CPNE5: variants seen among roughly 807,000 people sequenced by gnomAD.
The protein encoded by CPNE5 is copine-5.
In CPNE5, 42 loss-of-function variants were observed where a neutral mutation model predicts 81.1. The ratio of observed to expected loss-of-function variants is 0.52; its 90% CI spans 0.40 to 0.67. The LOEUF is 0.67. CPNE5 is among the 30% of genes least tolerant of loss of function. The pLI, the probability that CPNE5 is intolerant of heterozygous loss-of-function variation, is 0.00. For synonymous variants in CPNE5, 313 were observed against 321.5 expected (o/e 0.97, Z 0.28); for missense variants, 612 against 815.5 (o/e 0.75, Z 3.04).
chr6:36,772,306 C>A (rs1328960403), intron 10 of CPNE5, among the ~76,000 whole-genome samples: 3 of 152,120 alleles, frequency 2.0e-5, no homozygotes, highest in African/African-American at 7.2e-5. Flanking sequence ...GACTTTCCAG[C>A]CTTTCCTGGG....
chr6:36,771,982 A>G (rs1767076912), intron 10 of CPNE5, among the ~76,000 whole-genome samples: 1 of 152,128 alleles, frequency 6.6e-6, no homozygotes, highest in Non-Finnish European at 1.5e-5. Context: ...GCTCTGCCTC[A>G]GAGTGGGAGG....
intron 14 of CPNE5, 126 bp from the exon 15 acceptor site, chr6:36,748,393 C>T (rs1174606374): frequency 1.8e-5 from 14 of 793,612 alleles, no homozygotes; most frequent in Non-Finnish European, 2.2e-5. Context: ...TTGGTGAAGT[C>T]ATTCATCTCT....
At chr6:36,825,701 T>G (rs1772442520) in intron 1 of CPNE5, among the ~76,000 whole-genome samples, 1 of 152,208 alleles carries the variant, frequency 6.6e-6, no homozygotes, top group South Asian at 2.1e-4. Flanking sequence ...CGAGGCGGGC[T>G]GACTTCCCTG....
At chr6:36,836,670 A>T (rs1393509010) in intron 1 of CPNE5, among the ~76,000 whole-genome samples, 1 of 152,092 alleles carries the variant, frequency 6.6e-6, no homozygotes, top group African/African-American at 2.4e-5. Flanking sequence ...TTAACTGGCG[A>T]CCATGGAGTG....
intron 3 of CPNE5, among the ~76,000 whole-genome samples, chr6:36,815,759 C>T (rs189622281): frequency 6.6e-4 from 101 of 152,356 alleles, no homozygotes; most frequent in African/African-American, 1.7e-3. Flanking sequence ...CCATCAATTT[C>T]AGCTGCTGGT....
chr6:36,768,225 CTTTTTT>C (rs10586762), intron 10 of CPNE5, among the ~76,000 whole-genome samples: 4 of 60,496 alleles, frequency 6.6e-5, no homozygotes, highest in African/African-American at 1.3e-4. Context: ...ATTCACAGTT[CTTTTTT>C]TTTTTTTTTT....
intron 10 of CPNE5, among the ~76,000 whole-genome samples, chr6:36,774,740 T>A (rs1767346683): frequency 8.4e-6 from 1 of 119,084 alleles, no homozygotes; most frequent in Non-Finnish European, 1.9e-5. Context: ...AGAGGATCTG[T>A]GAGGCTGTGA....
chr6:36,824,392 T>G (rs930291368), intron 1 of CPNE5, among the ~76,000 whole-genome samples: 1 of 152,000 alleles, frequency 6.6e-6, no homozygotes, highest in Non-Finnish European at 1.5e-5. Context: ...AGGTCTTCCC[T>G]TCCCTGCTTC....
chr6:36,769,100 C>T (rs755396721), intron 10 of CPNE5, among the ~76,000 whole-genome samples: 6 of 152,156 alleles, frequency 3.9e-5, no homozygotes, highest in Non-Finnish European at 8.8e-5. Context: ...CCATGAGGCC[C>T]GGGATTTTTG....
intron 8 of CPNE5, among the ~76,000 whole-genome samples, chr6:36,780,321 G>A (rs1767930786): frequency 6.6e-6 from 1 of 152,128 alleles, no homozygotes; most frequent in Admixed American, 6.5e-5. Context: ...GCCCAGTGAG[G>A]GCCAAAACGG....
In CPNE5 at chr6:36,774,850, C is replaced by A. The variant is rs558703701; in HGVS notation, c.737+111G>T. ...CCTACTGCACAACTCCAGAAGGCCT[C>A]ATTTCTACTGATGGGACTGACCACG... On this transcript the variant is annotated intron_variant, in intron 10 of 20. Coordinates refer to ENST00000244751, the MANE Select transcript of CPNE5 (RefSeq NM_020939.2). 3.6e-6 allele frequency: 3 copies of A among 825,594 alleles called. No homozygotes were observed. In the South Asian group the frequency reaches 4.9e-5, roughly 14 times the overall value. 51.1% of individuals were successfully genotyped at this position (825,594 alleles called of 1,614,324 possible). A position where few individuals can be genotyped will look rare whatever the true frequency, so the allele number is the denominator to read the frequency against.
intron 8 of CPNE5, among the ~76,000 whole-genome samples, chr6:36,789,975 G>A (rs760630179): frequency 1.6e-4 from 25 of 152,230 alleles, no homozygotes; most frequent in Non-Finnish European, 2.9e-4. Flanking sequence ...TTCTGTGTTC[G>A]TGTGTCTTAT....
chr6:36,756,112 C>CCAA, intron 13 of CPNE5, 133 bp downstream of exon 13: 11 of 523,818 alleles, frequency 2.1e-5, no homozygotes, highest in East Asian at 4.0e-5. Context: ...CTCCCCACCC[C>CCAA]ATCTCTCTTG....
At chr6:36,777,763 C>CG (rs1767654853) in intron 9 of CPNE5, among the ~76,000 whole-genome samples, 1 of 82,238 alleles carries the variant, frequency 1.2e-5, no homozygotes, top group African/African-American at 6.1e-5. Flanking sequence ...ACCCCCCCCC[C>CG]CACCACACAC....
intron 3 of CPNE5, among the ~76,000 whole-genome samples, chr6:36,816,087 A>G (rs902621143): frequency 3.3e-5 from 5 of 152,196 alleles, no homozygotes; most frequent in Non-Finnish European, 7.4e-5. Flanking sequence ...CTACCCACGA[A>G]GGTCTCTTAG....
chr6:36,772,865 T>C (rs1361071801), intron 10 of CPNE5, among the ~76,000 whole-genome samples: 2 of 152,122 alleles, frequency 1.3e-5, no homozygotes, highest in Non-Finnish European at 2.9e-5. Flanking sequence ...TCTTTTTTTT[T>C]TCTTGAGACA....
Position 36,746,859 on chromosome 6 carries a change from C to T in CPNE5, c.1019-282G>A, listed in dbSNP as rs906001808. ...CCCTGTGCCTCCAGCCCATATCCAG[C>T]ACAGCAGTGACTGAGCCTATCCGCC... is the stretch of plus-strand genomic sequence containing the variant. On this transcript the variant is annotated intron_variant, in intron 15 of 20. Coordinates refer to ENST00000244751, the MANE Select transcript of CPNE5 (RefSeq NM_020939.2). This position sits in a 1 kb window ranked among gnomAD's most constrained non-coding sequence, Gnocchi z 4.5. Among the ~76,000 whole-genome samples, 16 of 152,086 alleles carry T rather than the reference C, an allele frequency of 1.1e-4. No homozygotes were observed. The highest frequency in any genetic ancestry group is 1.6e-4 in the Non-Finnish European group (11 of 68,002).
chr6:36,797,539 T>C (rs1282955635), intron 6 of CPNE5, among the ~76,000 whole-genome samples: 4 of 152,102 alleles, frequency 2.6e-5, no homozygotes, highest in African/African-American at 4.8e-5. Flanking sequence ...TCCTGAGAAA[T>C]AGGGACAAGA....
chr6:36,804,090 G>T (rs1406648601), intron 3 of CPNE5, among the ~76,000 whole-genome samples: 1 of 152,146 alleles, frequency 6.6e-6, no homozygotes, highest in Non-Finnish European at 1.5e-5. Flanking sequence ...GTACAAATGA[G>T]GAAACTAAAA....
Sources: gnomAD v4.1 joint callset for allele counts (sites outside exome capture counted in the v4.1 genomes callset) on GRCh38, gnomAD v4.1.1 for gene constraint, Gnocchi (gnomAD v3.1) non-coding constraint, MANE v1.5 for transcripts, NCBI Gene and HGNC (gene_info 2026-07-23, HGNC 2026-07-21) for gene names.